The following LIPC variants were observed in gnomAD, a reference collection of about 807,000 sequenced individuals.
The protein encoded by LIPC is lipase C, hepatic type.
In LIPC, 44 loss-of-function variants were observed where a neutral mutation model predicts 50.7. The observed-to-expected ratio is 0.87, with a 90% confidence interval of 0.68 to 1.11. LIPC has a LOEUF of 1.11. Ranked by LOEUF, LIPC falls within the 50% of genes most tolerant of loss-of-function variation. The pLI is 0.00. For synonymous variants in LIPC, 271 were observed against 256.4 expected (o/e 1.06, Z -0.54); for missense variants, 697 against 648.2 (o/e 1.08, Z -0.82).
chr15:58,511,603 A>T (rs1345377723), intron 1 of LIPC, among the ~76,000 whole-genome samples: 1 of 152,212 alleles, frequency 6.6e-6, no homozygotes, highest in East Asian at 1.9e-4. Flanking sequence ...GGTTTGCATG[A>T]GCAAAGCTAA....
Position 58,545,762 on chromosome 15 carries a change from T to C in LIPC, c.595T>C (p.Leu199=), listed in dbSNP as rs759018685. The C allele has an allele frequency of 2.5e-6, 4 of 1,614,072 alleles. No individual in the cohort carries two copies. Among genetic ancestry groups the C allele is most frequent in the Non-Finnish European group, 3.4e-6 (4 of 1,180,030 alleles). Residue 199 remains leucine, a synonymous_variant, in exon 5 of 9, where the codon TTG becomes CTG. Coordinates refer to ENST00000299022, the MANE Select transcript of LIPC (RefSeq NM_000236.3). The part of the protein sequence containing the change: ...RITGLDAAGP[L]FEGSAPSNRL... ...ATTAGGGCTGGATGCCGCGGGACCTTTGTTTGAGGGAAGTGCCCCCAGCAA... is the reference window on the plus strand; with the variant it reads ...ATTAGGGCTGGATGCCGCGGGACCTCTGTTTGAGGGAAGTGCCCCCAGCAA...
At chr15:58,535,820 CCT>C (rs1893099363) in intron 1 of LIPC, among the ~76,000 whole-genome samples, 1 of 152,178 alleles carries the variant, frequency 6.6e-6, no homozygotes, top group South Asian at 2.1e-4. Context: ...TTCATATGAC[CCT>C]CTTAACATTT....
At chr15:58,469,143 T>TGTGTGTGG (rs1555399013) in intron 1 of LIPC, among the ~76,000 whole-genome samples, 1 of 147,182 alleles carries the variant, frequency 6.8e-6, no homozygotes, top group Middle Eastern at 3.2e-3. Flanking sequence ...TGTGTGTGTG[T>TGTGTGTGG]ACGCCTTAAG....
At chr15:58,442,067 G>A (rs1249986553) in intron 1 of LIPC, among the ~76,000 whole-genome samples, 2 of 152,148 alleles carry the variant, frequency 1.3e-5, no homozygotes, top group Non-Finnish European at 2.9e-5. Context: ...ATGCGTTTGA[G>A]GTCTCTTAAT....
At chr15:58,556,250 C>A (rs564944438) in intron 6 of LIPC, among the ~76,000 whole-genome samples, 1 of 152,134 alleles carries the variant, frequency 6.6e-6, no homozygotes, top group Non-Finnish European at 1.5e-5. Context: ...CTGTGAAGTA[C>A]TCCTTGGAGG....
intron 1 of LIPC, among the ~76,000 whole-genome samples, chr15:58,443,230 T>C (rs1392868072): frequency 2.0e-5 from 3 of 152,156 alleles, no homozygotes; most frequent in Non-Finnish European, 4.4e-5. Context: ...CCATTTTGGA[T>C]AGGGGAGCCT....
intron 1 of LIPC, among the ~76,000 whole-genome samples, chr15:58,481,761 T>G (rs1007783122): frequency 1.3e-5 from 2 of 152,224 alleles, no homozygotes; most frequent in Non-Finnish European, 2.9e-5. Flanking sequence ...ATCGGGCCAC[T>G]GCACTCCAGC....
chr15:58,492,739 T>G (rs1338323871), intron 1 of LIPC, among the ~76,000 whole-genome samples: 1 of 152,206 alleles, frequency 6.6e-6, no homozygotes, highest in African/African-American at 2.4e-5. Context: ...TTTTGTTTTT[T>G]GTTCTGTTTT....
chr15:58,514,086 A>G (rs1892414265), intron 1 of LIPC, among the ~76,000 whole-genome samples: 1 of 152,232 alleles, frequency 6.6e-6, no homozygotes, highest in Non-Finnish European at 1.5e-5. Flanking sequence ...TGGTACAGTA[A>G]TAAGCATCAT....
chr15:58,472,075 G>A (rs1890828383), intron 1 of LIPC, among the ~76,000 whole-genome samples: 1 of 151,912 alleles, frequency 6.6e-6, no homozygotes, highest in Non-Finnish European at 1.5e-5. Context: ...TTCAAGACCA[G>A]CCTGATCAAC....
chr15:58,507,672 C>T (rs1892196958), intron 1 of LIPC, among the ~76,000 whole-genome samples: 1 of 152,206 alleles, frequency 6.6e-6, no homozygotes, highest in African/African-American at 2.4e-5. Context: ...TTTTTCCATA[C>T]TCCACCAGGC....
chr15:58,538,284 A>C (rs1182788533), intron 1 of LIPC, 49 bp from the exon 2 acceptor site: 5 of 1,563,388 alleles, frequency 3.2e-6, no homozygotes, highest in Non-Finnish European at 4.4e-6. Context: ...GGAGGGCTTC[A>C]GATGAAGCAG....
At chr15:58,531,353 T>G (rs1892953871) in intron 1 of LIPC, among the ~76,000 whole-genome samples, 1 of 152,162 alleles carries the variant, frequency 6.6e-6, no homozygotes, top group African/African-American at 2.4e-5. Context: ...GGAAGGACTT[T>G]AGGGAAGCAA....
intron 1 of LIPC, among the ~76,000 whole-genome samples, chr15:58,444,637 T>C (rs898777218): frequency 2.6e-5 from 4 of 152,176 alleles, no homozygotes; most frequent in African/African-American, 9.7e-5. Flanking sequence ...TGTTTCTGTG[T>C]CCGATCTCCT....
intron 1 of LIPC, chr15:58,521,871 G>T (rs1477580786): frequency 6.6e-6 from 1 of 151,958 alleles, no homozygotes; most frequent in African/African-American, 2.4e-5. Context: ...ATCATGATGG[G>T]GAGGATGACA....
chr15:58,552,285 C>T (rs1893789096), intron 6 of LIPC, among the ~76,000 whole-genome samples: 1 of 152,188 alleles, frequency 6.6e-6, no homozygotes, highest in Non-Finnish European at 1.5e-5. Context: ...GAGAGACACA[C>T]GCACACACAG....
intron 1 of LIPC, among the ~76,000 whole-genome samples, chr15:58,520,291 C>T (rs1282345116): frequency 7.9e-5 from 12 of 152,052 alleles, no homozygotes; most frequent in African/African-American, 2.7e-4. Context: ...CAGGAACCCA[C>T]CCTTTTAACT....
intron 6 of LIPC, among the ~76,000 whole-genome samples, chr15:58,548,992 T>G (rs1893649046): frequency 6.6e-6 from 1 of 152,214 alleles, no homozygotes; most frequent in South Asian, 2.1e-4. Context: ...GATTCTAGAC[T>G]GCATTTCATT....
chr15:58,505,962 C>T (rs1892134245), intron 1 of LIPC, among the ~76,000 whole-genome samples: 1 of 152,210 alleles, frequency 6.6e-6, no homozygotes, highest in African/African-American at 2.4e-5. Context: ...CCTCCTTGTG[C>T]CAGAGCTCCT....
Sources: allele counts gnomAD v4.1 joint callset (sites outside exome capture counted in the v4.1 genomes callset), GRCh38; gene constraint gnomAD v4.1.1; transcripts MANE v1.5; gene names NCBI Gene and HGNC (gene_info 2026-07-23, HGNC 2026-07-21).